The following PIK3C2G variants were observed in gnomAD, a reference collection of about 807,000 sequenced individuals.
PIK3C2G encodes the protein phosphatidylinositol 3-kinase C2 domain-containing subunit gamma.
Under a neutral mutation model 181.1 loss-of-function variants are expected in PIK3C2G, and 168 were observed. The observed-to-expected ratio is 0.93, with a 90% CI of 0.82 to 1.05. The LOEUF (loss-of-function observed/expected upper bound fraction) is 1.05, where lower values mean the gene tolerates loss of function less well. Ranked by LOEUF, PIK3C2G falls within the 50% of genes least tolerant of loss-of-function variation. PIK3C2G has a pLI of 0.00. For synonymous variants in PIK3C2G, 573 were observed against 592.2 expected, an observed-to-expected ratio of 0.97 and a Z score of 0.47; for missense variants, 1,869 against 1,732.8, an observed-to-expected ratio of 1.08 and a Z score of -1.40.
chr12:18,522,986 G>A (rs529103134), intron 24 of PIK3C2G, among the ~76,000 whole-genome samples: 34 of 151,662 alleles, frequency 2.2e-4, no homozygotes, highest in Non-Finnish European at 4.9e-4. Flanking sequence ...CTGTCTTTGT[G>A]CTCACTGTTT....
At chr12:18,642,905 A>G (rs550454231) in intron 32 of PIK3C2G, among the ~76,000 whole-genome samples, 3 of 151,838 alleles carry the variant, frequency 2.0e-5, no homozygotes, top group Non-Finnish European at 4.4e-5. Context: ...AAATATTTTG[A>G]CACTATTATT....
intron 9 of PIK3C2G, among the ~76,000 whole-genome samples, chr12:18,343,003 C>T (rs913631334): frequency 2.0e-5 from 3 of 151,948 alleles, no homozygotes; most frequent in Non-Finnish European, 2.9e-5. Context: ...ACACGGCATA[C>T]AGAGAGAATT....
chr12:18,563,572 G>A (rs1945460079), intron 28 of PIK3C2G, 74 bp downstream of exon 28: 2 of 1,419,868 alleles, frequency 1.4e-6, no homozygotes, highest in Admixed American at 1.8e-5. Flanking sequence ...TATGGTTATG[G>A]GATTTTCTAT....
intron 5 of PIK3C2G, among the ~76,000 whole-genome samples, chr12:18,301,873 T>A (rs1322998066): frequency 6.6e-6 from 1 of 152,224 alleles, no homozygotes; most frequent in African/African-American, 2.4e-5. Context: ...AGAGGAAGAC[T>A]TTTTCCTACA....
intron 31 of PIK3C2G, among the ~76,000 whole-genome samples, chr12:18,635,954 C>T (rs1949584083): frequency 6.6e-6 from 1 of 152,190 alleles, no homozygotes; most frequent in Non-Finnish European, 1.5e-5. Context: ...TATCAACATG[C>T]TCCACACCAC....
chr12:18,284,674 T>C (rs988140670), intron 2 of PIK3C2G, among the ~76,000 whole-genome samples: 3 of 151,410 alleles, frequency 2.0e-5, no homozygotes, highest in Admixed American at 1.3e-4. Flanking sequence ...ATTAGAAACA[T>C]CAAGAAACAA....
chr12:18,375,142 C>G (rs1281322503), intron 13 of PIK3C2G, among the ~76,000 whole-genome samples: 1 of 152,100 alleles, frequency 6.6e-6, no homozygotes, highest in Non-Finnish European at 1.5e-5. Context: ...AAGTTTGGAG[C>G]ACTCAGAAGA....
At chr12:18,305,698 T>A (rs971047256) in intron 5 of PIK3C2G, among the ~76,000 whole-genome samples, 1 of 152,126 alleles carries the variant, frequency 6.6e-6, no homozygotes, top group Non-Finnish European at 1.5e-5. Context: ...AAAACATTAC[T>A]CATTTATTGT....
At chr12:18,547,478 G>T (rs576162274) in intron 26 of PIK3C2G, among the ~76,000 whole-genome samples, 3 of 152,016 alleles carry the variant, frequency 2.0e-5, no homozygotes, top group South Asian at 4.1e-4. Flanking sequence ...TATTTATTCT[G>T]ACAATAGACA....
At chr12:18,636,295 C>T (rs1240267234) in intron 31 of PIK3C2G, among the ~76,000 whole-genome samples, 3 of 152,132 alleles carry the variant, frequency 2.0e-5, no homozygotes, top group Non-Finnish European at 4.4e-5. Context: ...TACAATGGCA[C>T]GATCTCGGCT....
intron 18 of PIK3C2G, among the ~76,000 whole-genome samples, chr12:18,443,178 C>T (rs183975169): frequency 7.9e-5 from 12 of 152,180 alleles, no homozygotes; most frequent in Admixed American, 3.9e-4. Flanking sequence ...GCCTAATATC[C>T]GACTTTTTAT....
At chr12:18,674,665 A>G in the PIK3C2G span, among the ~76,000 whole-genome samples, 1 of 151,996 alleles carries the variant, frequency 6.6e-6, no homozygotes, top group Non-Finnish European at 1.5e-5. Context: ...TTTTGCAACT[A>G]CTCCCATGAA....
intron 18 of PIK3C2G, among the ~76,000 whole-genome samples, chr12:18,463,359 GC>G (rs1948025503): frequency 6.6e-6 from 1 of 152,142 alleles, no homozygotes; most frequent in African/African-American, 2.4e-5. Context: ...ACAATGAGTA[GC>G]TCAGCAGCTG....
At chr12:18,724,064 G>T in the PIK3C2G span, among the ~76,000 whole-genome samples, 1 of 152,198 alleles carries the variant, frequency 6.6e-6, no homozygotes, top group South Asian at 2.1e-4. Flanking sequence ...GATTCGAAAG[G>T]TCATATTTGA....
chr12:18,424,107 G>C (rs1439504481), intron 18 of PIK3C2G, 68 bp downstream of exon 18: 2 of 897,564 alleles, frequency 2.2e-6, no homozygotes, highest in African/African-American at 3.3e-5. Context: ...CAGCTTTAGA[G>C]GAAGCAGAAT....
At chr12:18,403,315 A>G (rs1375243003) in intron 16 of PIK3C2G, among the ~76,000 whole-genome samples, 1 of 152,196 alleles carries the variant, frequency 6.6e-6, no homozygotes, top group Non-Finnish European at 1.5e-5. Context: ...AAAGTTTCTT[A>G]TCATGCACCA....
intron 29 of PIK3C2G, among the ~76,000 whole-genome samples, chr12:18,573,935 A>G (rs1374218226): frequency 6.6e-6 from 1 of 152,222 alleles, no homozygotes; most frequent in Non-Finnish European, 1.5e-5. Flanking sequence ...TTGAAGGGAA[A>G]TGCTAAACCC....
intron 11 of PIK3C2G, among the ~76,000 whole-genome samples, chr12:18,359,204 G>A (rs773198629): frequency 4.5e-4 from 69 of 152,140 alleles, no homozygotes; most frequent in Non-Finnish European, 8.1e-4. Flanking sequence ...TGGTTTTGCC[G>A]GAGTGTGTTG....
At chr12:18,708,264 G>C in the PIK3C2G span, among the ~76,000 whole-genome samples, 1 of 152,098 alleles carries the variant, frequency 6.6e-6, no homozygotes, top group African/African-American at 2.4e-5. Context: ...ATAAAAGTGA[G>C]ATCAGGCATT....
Sources: gnomAD v4.1 joint callset for allele counts (sites outside exome capture counted in the v4.1 genomes callset) on GRCh38, gnomAD v4.1.1 for gene constraint, MANE v1.5 for transcripts, NCBI Gene and HGNC (gene_info 2026-07-23, HGNC 2026-07-21) for gene names.